Variants in IL1RL1 observed in about 807,000 individuals in gnomAD.
IL1RL1 encodes interleukin-1 receptor-like 1.
In IL1RL1, 32 loss-of-function variants were observed where a neutral mutation model predicts 50.9. The ratio of observed to expected loss-of-function variants is 0.63; its 90% confidence interval spans 0.47 to 0.84. The LOEUF (loss-of-function observed/expected upper bound fraction) is 0.84, where lower values mean the gene tolerates loss of function less well. Ranked by LOEUF, IL1RL1 falls within the 40% of genes least tolerant of loss-of-function variation. The pLI, the probability that IL1RL1 is intolerant of heterozygous loss-of-function variation, is 0.00. For missense variants in IL1RL1, 773 were observed against 662.9 expected, an observed-to-expected ratio of 1.17 and a Z score of -1.82; for synonymous variants, 275 against 236.0, an observed-to-expected ratio of 1.17 and a Z score of -1.51.
At chr2:102,342,329 C>T (rs774324811) in intron 6 of IL1RL1, 35 bp downstream of exon 6, 4 of 1,444,970 alleles carry the variant, frequency 2.8e-6, no homozygotes, top group South Asian at 1.1e-5. Context: ...TAAATATTGC[C>T]TGGAAAAATC....
chr2:102,340,407 G>A (rs1262193339), intron 4 of IL1RL1, 135 bp downstream of exon 4: 5 of 753,600 alleles, frequency 6.6e-6, no homozygotes, highest in Non-Finnish European at 1.0e-5. Flanking sequence ...GAGGCCAGGA[G>A]TTTGAGACCA....
chr2:102,341,522 A>G (rs994507502), intron 5 of IL1RL1, among the ~76,000 whole-genome samples: 11 of 152,186 alleles, frequency 7.2e-5, no homozygotes, highest in Non-Finnish European at 1.3e-4. Flanking sequence ...CCCTTTACGT[A>G]TGACAGTTTT....
At chr2:102,343,710 T>C in intron 8 of IL1RL1, 2 of 1,317,176 alleles carry the variant, frequency 1.5e-6, no homozygotes, top group Non-Finnish European at 1.9e-6. Context: ...ATGAACTCCC[T>C]CTGTGTCACT....
At chr2:102,335,338 G>C (rs1362350) in intron 1 of IL1RL1, among the ~76,000 whole-genome samples, 73,112 of 151,918 alleles carry the variant, frequency 0.48, 17,846 homozygotes, top group Middle Eastern at 0.64. Context: ...AGCTTTACCA[G>C]CCTAATCTCT....
Position 102,319,176 on chromosome 2 carries a change from C to CT in IL1RL1, c.-150+7563dup, listed in dbSNP as rs145359805. On this transcript the variant is annotated intron_variant, in intron 1 of 10. Coordinates refer to ENST00000233954, the MANE Select transcript of IL1RL1 (RefSeq NM_016232.5). Reference sequence around the variant, plus strand: ...TGTGTTTGGCTGTACATTTCTTACACTTTTTTTTTTAACTGAGGAGTCAAT... The same window carrying CT: ...TGTGTTTGGCTGTACATTTCTTACACTTTTTTTTTTTAACTGAGGAGTCAAT... Among the ~76,000 whole-genome samples the CT allele has an allele frequency of 1.3e-3, 199 of 148,820 alleles. 1 individual carries two copies. The highest frequency in any genetic ancestry group is 3.6e-3 in the African/African-American group (147 of 40,716).
rs750542403 is a variant in IL1RL1 at position 102,348,003 on chromosome 2, C to A, written c.1029C>A (p.Ile343=). The A allele has an allele frequency of 1.3e-6, 2 of 1,581,878 alleles. No individual in the cohort carries two copies. Among genetic ancestry groups the A allele is most frequent in the Non-Finnish European group, 1.7e-6 (2 of 1,150,722 alleles). Residue 343 remains isoleucine, a synonymous_variant, in exon 9 of 11, where the codon ATC becomes ATA. Coordinates refer to ENST00000233954, the MANE Select transcript of IL1RL1 (RefSeq NM_016232.5). ...IAVCSVFLML[I]NVLVIILKMF... ...TATGTAGTGTATTTTTAATGCTAAT[C>A]AATGTCCTGGTTATCATCCTAAAAA...
At chr2:102,336,584 C>T (rs1263409178) in intron 1 of IL1RL1, among the ~76,000 whole-genome samples, 1 of 152,092 alleles carries the variant, frequency 6.6e-6, no homozygotes, top group Admixed American at 6.6e-5. Flanking sequence ...TACCTGGAGC[C>T]CTAGAGTTCA....
chr2:102,325,255 A>C (rs12992762), intron 1 of IL1RL1, among the ~76,000 whole-genome samples: 74,949 of 151,958 alleles, frequency 0.49, 18,653 homozygotes, highest in Middle Eastern at 0.64. Flanking sequence ...CTGGAGTGGA[A>C]CTCCAGCAAA....
At chr2:102,331,843 G>A (rs1030952143) in intron 1 of IL1RL1, among the ~76,000 whole-genome samples, 1 of 152,166 alleles carries the variant, frequency 6.6e-6, no homozygotes, top group Non-Finnish European at 1.5e-5. Flanking sequence ...CAAGGTTGGT[G>A]GATCTCTTGA....
intron 1 of IL1RL1, among the ~76,000 whole-genome samples, chr2:102,317,025 G>C (rs1470907238): frequency 6.6e-6 from 1 of 152,080 alleles, no homozygotes; most frequent in African/African-American, 2.4e-5. Flanking sequence ...CTGCTTATAA[G>C]GGCAATATTT....
intron 8 of IL1RL1, among the ~76,000 whole-genome samples, chr2:102,347,066 T>G (rs920418452): frequency 6.6e-6 from 1 of 152,246 alleles, no homozygotes; most frequent in Non-Finnish European, 1.5e-5. Context: ...ATTTGACTTT[T>G]GAATTCTTTA....
intron 8 of IL1RL1, among the ~76,000 whole-genome samples, chr2:102,347,698 T>A (rs532794959): frequency 6.6e-6 from 1 of 152,146 alleles, no homozygotes; most frequent in Non-Finnish European, 1.5e-5. Flanking sequence ...TTGCCTCCCA[T>A]CTTAGTTAAG....
intron 1 of IL1RL1, among the ~76,000 whole-genome samples, chr2:102,324,309 C>A (rs547130022): frequency 6.6e-6 from 1 of 152,176 alleles, no homozygotes; most frequent in Non-Finnish European, 1.5e-5. Context: ...TGTGCCACAT[C>A]CTTGCCAAAA....
chr2:102,342,046 C>CGTGTGTGTGTGTGTGT (rs67962088), intron 5 of IL1RL1, among the ~76,000 whole-genome samples, 177 bp from the exon 6 acceptor site: 5 of 144,068 alleles, frequency 3.5e-5, no homozygotes, highest in African/African-American at 1.3e-4. Flanking sequence ...CTTTCTGTTT[C>CGTGTGTGTGTGTGTGT]GTGTGTGTGT....
intron 10 of IL1RL1, among the ~76,000 whole-genome samples, chr2:102,351,251 A>G (rs574195253): frequency 6.6e-6 from 1 of 152,326 alleles, no homozygotes; most frequent in South Asian, 2.1e-4. Flanking sequence ...ACAATAGACT[A>G]AATATCTTTA....
intron 1 of IL1RL1, among the ~76,000 whole-genome samples, chr2:102,319,247 C>T (rs1676766266): frequency 6.6e-6 from 1 of 152,042 alleles, no homozygotes; most frequent in Non-Finnish European, 1.5e-5. Flanking sequence ...TTTGAAAACA[C>T]AAATGCTATA....
downstream of IL1RL1, chr2:102,352,184 G>T: frequency 2.4e-6 from 1 of 410,940 alleles, no homozygotes; most frequent in Non-Finnish European, 4.3e-6. Flanking sequence ...ACTGTGGTGT[G>T]GGATGTTTTC....
At chr2:102,320,911 A>G (rs1676818891) in intron 1 of IL1RL1, among the ~76,000 whole-genome samples, 1 of 152,186 alleles carries the variant, frequency 6.6e-6, no homozygotes, top group African/African-American at 2.4e-5. Context: ...GTCACTCCTT[A>G]GCTTGAAACA....
intron 1 of IL1RL1, among the ~76,000 whole-genome samples, chr2:102,337,900 T>C (rs999323718): frequency 2.7e-4 from 41 of 152,320 alleles, no homozygotes; most frequent in African/African-American, 9.9e-4. Flanking sequence ...CGAAGTAGCA[T>C]GATAACTGTG....
Sources: allele counts gnomAD v4.1 joint callset (sites outside exome capture counted in the v4.1 genomes callset), GRCh38; gene constraint gnomAD v4.1.1; transcripts MANE v1.5; gene names NCBI Gene and HGNC (gene_info 2026-07-23, HGNC 2026-07-21).